Variants in KIF21B observed in about 807,000 individuals in gnomAD.
KIF21B encodes the protein kinesin family member 21B, also known as kinesin-like protein KIF21B.
A neutral mutation model predicts 192.9 loss-of-function variants in KIF21B; 85 were observed. That is an observed-to-expected ratio of 0.44 (90% CI 0.37 to 0.53). The LOEUF is 0.53. KIF21B is among the 20% of genes least tolerant of loss of function. The pLI is 0.00. For missense variants in KIF21B, 1,716 were observed against 2,194.8 expected (o/e 0.78, Z 4.36); for synonymous variants, 832 against 884.6 (o/e 0.94, Z 1.05).
In KIF21B at chr1:201,023,498, T is replaced by TGCG. The variant is rs948062065; in HGVS notation, c.-118_-116dup. The TGCG allele has an allele frequency of 2.2e-5, 15 of 685,392 alleles. No individual in the cohort carries two copies. The highest frequency in any genetic ancestry group is 6.4e-5 in the South Asian group (1 of 15,724). The allele number at this position is 685,392 out of a possible 1,614,324, so 42.5% of individuals were successfully genotyped here. A position where few individuals can be genotyped will look rare whatever the true frequency, so the allele number is the denominator to read the frequency against. On this transcript the variant is annotated 5_prime_UTR_variant, in exon 1 of 35. Coordinates refer to ENST00000461742, the MANE Select transcript of KIF21B (RefSeq NM_001252102.2). This position sits in a 1 kb window ranked among gnomAD's most constrained non-coding sequence, Gnocchi z 5.9. ...GGGCGCGGGCGCGGCTGGCGGAGGC[T>TGCG]GCGGCGGCGGCGGCTGGAGGTGACA...
intron 3 of KIF21B, among the ~76,000 whole-genome samples, chr1:201,007,309 C>T (rs1271562926): frequency 5.8e-5 from 7 of 120,046 alleles, no homozygotes; most frequent in Non-Finnish European, 8.6e-5. Context: ...TACACAGACA[C>T]GGACACAGAG....
intron 1 of KIF21B, among the ~76,000 whole-genome samples, chr1:201,011,095 G>A (rs1036468700): frequency 1.3e-5 from 2 of 152,236 alleles, no homozygotes; most frequent in Non-Finnish European, 1.5e-5. Flanking sequence ...CGCCCAAATT[G>A]GAATGGCAGC....
intron 1 of KIF21B, among the ~76,000 whole-genome samples, chr1:201,020,364 G>A (rs1039905199): frequency 1.3e-5 from 2 of 152,100 alleles, no homozygotes; most frequent in Non-Finnish European, 2.9e-5. Context: ...TCACAGCTCC[G>A]CCCCACCTCT....
chr1:200,987,549 G>A (rs1045350014), intron 24 of KIF21B, among the ~76,000 whole-genome samples: 5 of 152,086 alleles, frequency 3.3e-5, no homozygotes, highest in South Asian at 2.1e-4. Flanking sequence ...CAGCCCGCCC[G>A]GAAATTCTAA....
intron 8 of KIF21B, chr1:201,002,595 A>G: frequency 2.0e-6 from 1 of 500,436 alleles, no homozygotes; most frequent in South Asian, 3.0e-5. Context: ...GGCCTCTCAC[A>G]ATCTTACTTG....
At chr1:201,015,035 A>G (rs1435787596) in intron 1 of KIF21B, among the ~76,000 whole-genome samples, 1 of 152,214 alleles carries the variant, frequency 6.6e-6, no homozygotes, top group Non-Finnish European at 1.5e-5. Context: ...GACACTATCT[A>G]GGGTGCTTTG....
In KIF21B at chr1:200,978,142, C is replaced by T. The variant is rs1196017112; in HGVS notation, c.4161-766G>A. ...TCGGCTCACTGCAATCTCTGCCTCCCAGGTTCAAGCAATTCTCCTGCCTCA... is the reference window on the plus strand; with the variant it reads ...TCGGCTCACTGCAATCTCTGCCTCCTAGGTTCAAGCAATTCTCCTGCCTCA... On this transcript the variant is annotated intron_variant, in intron 30 of 34. Transcript: ENST00000461742. Among the ~76,000 whole-genome samples, 3 of 150,836 alleles carry T rather than the reference C, an allele frequency of 2.0e-5. No individual in the cohort carries two copies. The East Asian group carries it at 5.9e-4, about 30-fold the overall frequency.
At chr1:201,002,012 T>A (rs1657524898) in intron 9 of KIF21B, 149 bp downstream of exon 9, 4 of 652,210 alleles carry the variant, frequency 6.1e-6, no homozygotes, top group Non-Finnish European at 2.6e-6. Flanking sequence ...TACAAAAATG[T>A]TTTAAAATCA....
At chr1:200,986,345 AC>A (rs1656298155) in intron 26 of KIF21B, among the ~76,000 whole-genome samples, 1 of 149,254 alleles carries the variant, frequency 6.7e-6, no homozygotes, top group Non-Finnish European at 1.5e-5. Flanking sequence ...TACAGAAATT[AC>A]ATTTCCTTTT....
chr1:200,994,399 C>T (rs1291397737), intron 15 of KIF21B, among the ~76,000 whole-genome samples: 1 of 143,768 alleles, frequency 7.0e-6, no homozygotes, highest in Non-Finnish European at 1.6e-5. Flanking sequence ...TTTGAATCCT[C>T]GGCTGCTGCA....
chr1:200,990,835 T>C lies in KIF21B; in HGVS notation c.2687+82A>G. 6.3e-7 allele frequency: 1 copy of C among 1,596,144 alleles called. No individual in the cohort carries two copies. The highest frequency in any genetic ancestry group is 8.6e-7 in the Non-Finnish European group (1 of 1,166,438). On this transcript the variant is annotated intron_variant, in intron 18 of 34. Coordinates refer to ENST00000461742, the MANE Select transcript of KIF21B (RefSeq NM_001252102.2). This position sits in a 1 kb window ranked among gnomAD's most constrained non-coding sequence, Gnocchi z 5.4. ...GGGGACCCGGAGCACTCCCCAGAGCTTCCCTCTTCCTCACCCTGGCCCTGC... is the reference window on the plus strand; with the variant it reads ...GGGGACCCGGAGCACTCCCCAGAGCCTCCCTCTTCCTCACCCTGGCCCTGC...
intron 8 of KIF21B, chr1:201,002,632 T>C (rs1657565120): frequency 2.4e-6 from 1 of 412,312 alleles, no homozygotes. Context: ...TGTATTTTCA[T>C]ATCTCCATAA....
Position 200,982,737 on chromosome 1 carries a change from C to T in KIF21B, c.3842+319G>A, listed in dbSNP as rs1252871640. ...CGTGGAGAACTCAGCCCCAGCCCAG[C>T]ATCCCCTAGGCCTCCATGCTGCGCC... On this transcript the variant is annotated intron_variant, in intron 28 of 34. Coordinates refer to ENST00000461742, the MANE Select transcript of KIF21B (RefSeq NM_001252102.2). The surrounding 1 kb of genome is among the most constrained non-coding windows in gnomAD (Gnocchi z 4.7). Among the ~76,000 whole-genome samples the T allele has an allele frequency of 6.6e-6, 1 of 152,238 alleles. No individual in the cohort carries two copies. Among genetic ancestry groups the T allele is most frequent in the Non-Finnish European group, 1.5e-5 (1 of 68,040 alleles).
chr1:201,017,640 A>G lies in KIF21B; in HGVS notation c.41+5703T>C, dbSNP rs1009049262. ...CTCCCCTGCTGAGGAATGCAGAGCAACAGAAGGCTGGCTGTGGAGGGCAGC... is the reference window on the plus strand; with the variant it reads ...CTCCCCTGCTGAGGAATGCAGAGCAGCAGAAGGCTGGCTGTGGAGGGCAGC... On this transcript the variant is annotated intron_variant, in intron 1 of 34. Transcript: ENST00000461742. The surrounding 1 kb of genome is among the most constrained non-coding windows in gnomAD (Gnocchi z 4.1). Among the ~76,000 whole-genome samples, 3 of 152,222 alleles carry G rather than the reference A, an allele frequency of 2.0e-5. No individual in the cohort carries two copies. The highest frequency in any genetic ancestry group is 4.4e-5 in the Non-Finnish European group (3 of 68,020).
intron 1 of KIF21B, among the ~76,000 whole-genome samples, chr1:201,019,128 C>CTTCA (rs1161292012): frequency 6.6e-6 from 1 of 151,908 alleles, no homozygotes; most frequent in Non-Finnish European, 1.5e-5. Context: ...AGAGATGGAG[C>CTTCA]TTCACCATAT....
chr1:200,998,233 A>C lies in KIF21B; in HGVS notation c.2077+151T>G. 2 of 707,308 alleles carry C rather than the reference A, an allele frequency of 2.8e-6. No individual in the cohort carries two copies. Among genetic ancestry groups the C allele is most frequent in the Non-Finnish European group, 4.8e-6 (2 of 417,684 alleles). 43.8% of individuals were successfully genotyped at this position (707,308 alleles called of 1,614,324 possible). A position where few individuals can be genotyped will look rare whatever the true frequency, so the allele number is the denominator to read the frequency against. On this transcript the variant is annotated intron_variant, in intron 14 of 34. Transcript: ENST00000461742. This position sits in a 1 kb window ranked among gnomAD's most constrained non-coding sequence, Gnocchi z 4.3. ...CTAGGGTTAGACGTAAGAACCTTTAACTGTGGGTCAAAGGACCACAGTCAA... is the reference window on the plus strand; with the variant it reads ...CTAGGGTTAGACGTAAGAACCTTTACCTGTGGGTCAAAGGACCACAGTCAA...
intron 1 of KIF21B, among the ~76,000 whole-genome samples, chr1:201,015,259 T>A (rs959435548): frequency 2.0e-5 from 3 of 152,242 alleles, no homozygotes; most frequent in Non-Finnish European, 4.4e-5. Context: ...TGCCCACTTG[T>A]GTGTAATTTG....
Position 200,998,962 on chromosome 1 carries a change from C to T in KIF21B, c.1885+387G>A, listed in dbSNP as rs145311981. 2.6e-5 allele frequency among the ~76,000 whole-genome samples: 4 copies of T among 152,236 alleles called. No homozygotes were observed. Among genetic ancestry groups the T allele is most frequent in the Non-Finnish European group, 5.9e-5 (4 of 68,004 alleles). ...GCAGGGCTGAAGGGGCAGGCATCTC[C>T]ATTTAGAGGAGAGGGCTTTGGCACC... On this transcript the variant is annotated intron_variant, in intron 13 of 34. Transcript: ENST00000461742. This position sits in a 1 kb window ranked among gnomAD's most constrained non-coding sequence, Gnocchi z 4.3.
Position 201,009,627 on chromosome 1 carries a change from G to T in KIF21B, c.42-139C>A, listed in dbSNP as rs1051969791. 8.5e-6 allele frequency: 6 copies of T among 707,058 alleles called. No individual in the cohort carries two copies. The African/African-American group carries it at 1.1e-4, about 13-fold the overall frequency. 43.8% of individuals were successfully genotyped at this position (707,058 alleles called of 1,614,324 possible). A position where few individuals can be genotyped will look rare whatever the true frequency, so the allele number is the denominator to read the frequency against. On this transcript the variant is annotated intron_variant, in intron 1 of 34. Coordinates refer to ENST00000461742, the MANE Select transcript of KIF21B (RefSeq NM_001252102.2). ...GAAGGAAGCTTAGGTGACCCCAGAG[G>T]ACATGGGCAACTTTTGTAATACAAT... is the stretch of plus-strand genomic sequence containing the variant.
Sources: gnomAD v4.1 joint callset for allele counts (sites outside exome capture counted in the v4.1 genomes callset) on GRCh38, gnomAD v4.1.1 for gene constraint, Gnocchi (gnomAD v3.1) non-coding constraint, MANE v1.5 for transcripts, NCBI Gene and HGNC (gene_info 2026-07-23, HGNC 2026-07-21) for gene names.